Variants in PIEZO2 observed in about 807,000 individuals in gnomAD.
The protein encoded by PIEZO2 is piezo type mechanosensitive ion channel component 2.
A neutral mutation model predicts 337.3 loss-of-function variants in PIEZO2; 172 were observed. The ratio of observed to expected loss-of-function variants is 0.51; its 90% CI spans 0.45 to 0.58. The LOEUF (loss-of-function observed/expected upper bound fraction) is 0.58, where lower values mean the gene tolerates loss of function less well. Ranked by LOEUF, PIEZO2 falls within the 20% of genes least tolerant of loss-of-function variation. The pLI is 0.00. For synonymous variants in PIEZO2, 1,251 were observed against 1,228.5 expected (o/e 1.02, Z -0.38); for missense variants, 3,028 against 3,391.3 (o/e 0.89, Z 2.66).
chr18:11,098,904 C>A (rs2039332690), intron 1 of PIEZO2, among the ~76,000 whole-genome samples: 1 of 151,960 alleles, frequency 6.6e-6, no homozygotes, highest in South Asian at 2.1e-4. Flanking sequence ...CTCAAGCGAT[C>A]CTCCCACCTC....
intron 3 of PIEZO2, among the ~76,000 whole-genome samples, chr18:10,963,495 G>T (rs773677828): frequency 6.6e-6 from 1 of 152,080 alleles, no homozygotes; most frequent in Non-Finnish European, 1.5e-5. Flanking sequence ...TTTAAAAAAT[G>T]GTTTTCCACA....
intron 7 of PIEZO2, among the ~76,000 whole-genome samples, chr18:10,829,616 A>G (rs1384461451): frequency 6.6e-6 from 1 of 152,170 alleles, no homozygotes; most frequent in South Asian, 2.1e-4. Flanking sequence ...AGAATATAAA[A>G]ATCAACATAC....
intron 7 of PIEZO2, among the ~76,000 whole-genome samples, chr18:10,838,744 A>G (rs1568117102): frequency 6.6e-6 from 1 of 152,150 alleles, no homozygotes; most frequent in Non-Finnish European, 1.5e-5. Context: ...CCTCTTTCCC[A>G]TGCTTGAACA....
intron 1 of PIEZO2, among the ~76,000 whole-genome samples, chr18:11,107,015 G>A (rs969279769): frequency 6.6e-6 from 1 of 152,130 alleles, no homozygotes; most frequent in Non-Finnish European, 1.5e-5. Flanking sequence ...GCTTCAGTTT[G>A]ACAAAAAACG....
At chr18:10,818,179 T>A (rs1430384670) in intron 7 of PIEZO2, among the ~76,000 whole-genome samples, 2 of 152,170 alleles carry the variant, frequency 1.3e-5, no homozygotes, top group African/African-American at 2.4e-5. Flanking sequence ...ACGTTCCTTG[T>A]CATCTCTGTT....
Position 10,973,271 on chromosome 18 carries a change from A to T in PIEZO2, c.286+6264T>A, listed in dbSNP as rs2034313233. Among the ~76,000 whole-genome samples, 1 of 152,210 alleles carries T rather than the reference A, an allele frequency of 6.6e-6. No individual in the cohort carries two copies. Among genetic ancestry groups the T allele is most frequent in the Non-Finnish European group, 1.5e-5 (1 of 68,026 alleles). ...TGCCTGTGTCTAGCTTTTGGCAGTA[A>T]AAACAATGTGTATTCATTACTCCAA... On this transcript the variant is annotated intron_variant, in intron 3 of 55. Transcript: ENST00000674853. This position sits in a 1 kb window ranked among gnomAD's most constrained non-coding sequence, Gnocchi z 4.9.
At chr18:11,057,510 C>G (rs2037774809) in intron 2 of PIEZO2, among the ~76,000 whole-genome samples, 1 of 152,208 alleles carries the variant, frequency 6.6e-6, no homozygotes, top group African/African-American at 2.4e-5. Context: ...TCTCTGTTAA[C>G]TCTTTCTTTG....
chr18:11,045,251 G>A (rs955268873), intron 2 of PIEZO2, among the ~76,000 whole-genome samples: 6 of 127,660 alleles, frequency 4.7e-5, no homozygotes, highest in Admixed American at 1.0e-4. Context: ...CTTTGAGATC[G>A]CGCCACTGCA....
At position 10,707,436 on chromosome 18, in the gene PIEZO2, G is replaced by A. The variant is rs1013785; in HGVS notation, c.5588+839C>T. Reference sequence around the variant, plus strand: ...TGTCAGCATACTGCAGGGATGCACCGAGATACACGGCTGCCAGTGAAAAGA... The same window carrying A: ...TGTCAGCATACTGCAGGGATGCACCAAGATACACGGCTGCCAGTGAAAAGA... On this transcript the variant is annotated intron_variant, in intron 40 of 55. Transcript: ENST00000674853. The surrounding 1 kb of genome is among the most constrained non-coding windows in gnomAD (Gnocchi z 4.2). Among the ~76,000 whole-genome samples, 43,330 of 151,890 alleles carry A rather than the reference G, an allele frequency of 0.29. 6,315 individuals are homozygous for A. The highest frequency in any genetic ancestry group is 0.4 in the East Asian group (2,050 of 5,144).
rs114256247 is a variant in PIEZO2 at position 10,696,363 on chromosome 18, C to T, written c.6975+29G>A. 2.6e-4 allele frequency: 426 copies of T among 1,614,046 alleles called. 2 individuals are homozygous for T. In the African/African-American group the frequency reaches 4.1e-3, roughly 15 times the overall value. ...GAAGCGCCATCGCCATGGGTCAGGG[C>T]GGGTGCTGTGGCCTTTGCCCCAACC... On this transcript the variant is annotated intron_variant, in intron 46 of 55. Coordinates refer to ENST00000674853, the MANE Select transcript of PIEZO2 (RefSeq NM_001378183.1).
At chr18:10,997,402 T>G (rs2035366275) in intron 2 of PIEZO2, among the ~76,000 whole-genome samples, 1 of 152,176 alleles carries the variant, frequency 6.6e-6, no homozygotes, top group Non-Finnish European at 1.5e-5. Flanking sequence ...ATCTGATCAA[T>G]TATCAATAGA....
intron 8 of PIEZO2, 117 bp from the exon 9 acceptor site, chr18:10,804,111 T>C: frequency 4.1e-6 from 5 of 1,227,040 alleles, no homozygotes; most frequent in Middle Eastern, 2.8e-4. Flanking sequence ...AAGTGAATGT[T>C]TACAATATAC....
intron 1 of PIEZO2, among the ~76,000 whole-genome samples, chr18:11,117,067 C>G (rs1016152617): frequency 1.3e-5 from 2 of 152,186 alleles, no homozygotes; most frequent in African/African-American, 4.8e-5. Flanking sequence ...CGAGACTCCA[C>G]TGCACTCTAG....
rs918039291 is a variant in PIEZO2, at chr18:10,795,812, C to A, written c.1528-810G>T. Among the ~76,000 whole-genome samples, 1 of 152,138 alleles carries A rather than the reference C, an allele frequency of 6.6e-6. No individual in the cohort carries two copies. Among genetic ancestry groups the A allele is most frequent in the South Asian group, 2.1e-4 (1 of 4,820 alleles). On this transcript the variant is annotated intron_variant, in intron 12 of 55. Coordinates refer to ENST00000674853, the MANE Select transcript of PIEZO2 (RefSeq NM_001378183.1). This position sits in a 1 kb window ranked among gnomAD's most constrained non-coding sequence, Gnocchi z 4.4. ...CATCAAAGGTGTCCATAGGATCTCA[C>A]TGTTGACCACAGAATTTGGAAGAGT...
chr18:11,057,954 A>C (rs972591227), intron 2 of PIEZO2, among the ~76,000 whole-genome samples: 6 of 152,246 alleles, frequency 3.9e-5, no homozygotes. Context: ...GGCATGGGAA[A>C]GCATCTAATA....
chr18:10,976,027 T>C (rs185372380), intron 3 of PIEZO2, among the ~76,000 whole-genome samples: 61 of 152,330 alleles, frequency 4.0e-4, no homozygotes, highest in Non-Finnish European at 8.4e-4. Context: ...TGTGTTTACA[T>C]CTCTGATGGT....
intron 36 of PIEZO2, chr18:10,728,467 A>G (rs771840625): frequency 1.3e-5 from 2 of 152,214 alleles, no homozygotes; most frequent in Non-Finnish European, 2.9e-5. Flanking sequence ...GGCACTGTTC[A>G]TTGTGGCAAA....
Position 10,903,229 on chromosome 18 carries a change from C to A in PIEZO2, c.329+7957G>T, listed in dbSNP as rs1392337329. The stretch of plus-strand genomic sequence containing the variant: ...CCTATCTTGGTCGAGACATTATAAT[C>A]ACTCTCCTGAACTACTGCAGCAGCT... On this transcript the variant is annotated intron_variant, in intron 4 of 55. Transcript: ENST00000674853. This position sits in a 1 kb window ranked among gnomAD's most constrained non-coding sequence, Gnocchi z 4.1. Among the ~76,000 whole-genome samples the A allele has an allele frequency of 6.6e-6, 1 of 152,212 alleles. No homozygotes were observed. Among genetic ancestry groups the A allele is most frequent in the Non-Finnish European group, 1.5e-5 (1 of 68,038 alleles).
chr18:11,133,784 A>G (rs183425445), intron 1 of PIEZO2, among the ~76,000 whole-genome samples: 1 of 146,060 alleles, frequency 6.8e-6, no homozygotes, highest in Non-Finnish European at 1.5e-5. Context: ...TACTTAATAA[A>G]CTCCTCTCTC....
Sources: allele counts gnomAD v4.1 joint callset (sites outside exome capture counted in the v4.1 genomes callset), GRCh38; gene constraint gnomAD v4.1.1; non-coding constraint Gnocchi (gnomAD v3.1); transcripts MANE v1.5; gene names NCBI Gene and HGNC (gene_info 2026-07-23, HGNC 2026-07-21).